Variants in NAALADL2 observed in about 807,000 individuals in gnomAD.
NAALADL2 encodes N-acetylated alpha-linked acidic dipeptidase like 2.
NAALADL2 carries 76 observed loss-of-function variants against 87.2 expected under a neutral mutation model. The ratio of observed to expected loss-of-function variants is 0.87; its 90% confidence interval spans 0.72 to 1.05. The LOEUF (loss-of-function observed/expected upper bound fraction) is 1.05. Ranked by LOEUF, NAALADL2 falls within the 50% of genes least tolerant of loss-of-function variation. NAALADL2 has a pLI of 0.00. For synonymous variants in NAALADL2, 354 were observed against 331.0 expected (o/e 1.07, Z -0.75); for missense variants, 1,089 against 945.8 (o/e 1.15, Z -1.99).
At chr3:175,230,538 A>G (rs1008097884) in intron 2 of NAALADL2, among the ~76,000 whole-genome samples, 2 of 152,034 alleles carry the variant, frequency 1.3e-5, no homozygotes, top group African/African-American at 4.8e-5. Flanking sequence ...GGTAATCATG[A>G]AGATGCAAAT....
chr3:174,586,249 G>A (rs905701150), intron 2 of NAALADL2, among the ~76,000 whole-genome samples: 10 of 152,248 alleles, frequency 6.6e-5, no homozygotes, highest in African/African-American at 2.2e-4. Flanking sequence ...GTATTCAGTT[G>A]TACAGGTTGT....
intron 9 of NAALADL2, among the ~76,000 whole-genome samples, chr3:175,481,335 C>G (rs1726426803): frequency 6.9e-6 from 1 of 143,904 alleles, no homozygotes; most frequent in Non-Finnish European, 1.5e-5. Flanking sequence ...AACAATGCCA[C>G]TGTGTGTGTG....
chr3:175,140,814 G>A (rs1316171256), intron 2 of NAALADL2, among the ~76,000 whole-genome samples: 2 of 152,226 alleles, frequency 1.3e-5, no homozygotes, highest in South Asian at 4.1e-4. Flanking sequence ...AGGAAACAGA[G>A]GGAAGATGTT....
intron 4 of NAALADL2, among the ~76,000 whole-genome samples, chr3:175,294,660 C>CA (rs538365995): frequency 1.0e-3 from 155 of 151,670 alleles, no homozygotes; most frequent in Middle Eastern, 3.4e-3. Context: ...TCTGTAGTTT[C>CA]AAAAAAAATA....
intron 2 of NAALADL2, among the ~76,000 whole-genome samples, chr3:175,210,398 A>G (rs967836991): frequency 2.0e-5 from 3 of 151,994 alleles, no homozygotes; most frequent in East Asian, 3.9e-4. Flanking sequence ...AGAAAAGCAC[A>G]TACACTTTGA....
At chr3:174,468,824 G>T (rs1399961985) in intron 1 of NAALADL2, among the ~76,000 whole-genome samples, 1 of 148,954 alleles carries the variant, frequency 6.7e-6, no homozygotes, top group Non-Finnish European at 1.5e-5. Flanking sequence ...GTGCAGTGGC[G>T]CGATCTAGGC....
chr3:174,643,127 A>G (rs1723421310), intron 2 of NAALADL2, among the ~76,000 whole-genome samples: 1 of 152,126 alleles, frequency 6.6e-6, no homozygotes, highest in African/African-American at 2.4e-5. Flanking sequence ...TGATGACACT[A>G]TTCACTTGTT....
At chr3:175,148,149 C>T (rs1160284529) in intron 2 of NAALADL2, among the ~76,000 whole-genome samples, 1 of 149,290 alleles carries the variant, frequency 6.7e-6, no homozygotes, top group Non-Finnish European at 1.5e-5. Context: ...GCCATTCTGA[C>T]TGGTATGAAA....
intron 1 of NAALADL2, among the ~76,000 whole-genome samples, chr3:174,441,498 C>G (rs760462193): frequency 3.0e-4 from 46 of 152,104 alleles, no homozygotes; most frequent in Non-Finnish European, 5.4e-4. Flanking sequence ...CGGGCCCGCG[C>G]GTTCGAAATG....
chr3:175,161,982 C>T (rs953554176), intron 2 of NAALADL2, among the ~76,000 whole-genome samples: 2 of 152,084 alleles, frequency 1.3e-5, no homozygotes, highest in Non-Finnish European at 2.9e-5. Flanking sequence ...GACTTTCTTT[C>T]GGAAACCTGT....
intron 2 of NAALADL2, among the ~76,000 whole-genome samples, chr3:175,146,526 GATGAA>G (rs1201229511): frequency 6.6e-6 from 1 of 152,090 alleles, no homozygotes; most frequent in Non-Finnish European, 1.5e-5. Context: ...ATAAATCAGA[GATGAA>G]ATGAAATTCA....
intron 3 of NAALADL2, among the ~76,000 whole-genome samples, chr3:174,787,488 A>G (rs1275208029): frequency 1.3e-5 from 2 of 148,488 alleles, no homozygotes; most frequent in East Asian, 3.9e-4. Flanking sequence ...GCCAGGAATA[A>G]GCCATGTTTT....
intron 5 of NAALADL2, among the ~76,000 whole-genome samples, chr3:175,373,314 G>C (rs1167123727): frequency 6.6e-6 from 1 of 152,124 alleles, no homozygotes; most frequent in Non-Finnish European, 1.5e-5. Flanking sequence ...TTCCTTTTCT[G>C]TCAATCCACT....
intron 3 of NAALADL2, among the ~76,000 whole-genome samples, chr3:174,801,340 A>G (rs1388535068): frequency 2.0e-5 from 3 of 152,132 alleles, no homozygotes; most frequent in Non-Finnish European, 4.4e-5. Flanking sequence ...GATAAAGAGG[A>G]GTTCCCCTGC....
intron 5 of NAALADL2, among the ~76,000 whole-genome samples, chr3:175,400,646 G>T (rs1178522741): frequency 4.6e-5 from 7 of 152,088 alleles, no homozygotes; most frequent in Admixed American, 1.3e-4. Context: ...ACAAACCTAG[G>T]ATATAAAGCT....
chr3:174,549,356 C>G (rs1438465113), intron 1 of NAALADL2, among the ~76,000 whole-genome samples: 2 of 152,160 alleles, frequency 1.3e-5, no homozygotes, highest in African/African-American at 4.8e-5. Flanking sequence ...GATAGTTTAG[C>G]AGGATGACCA....
chr3:175,798,620 T>G (rs1392118096), intron 13 of NAALADL2, among the ~76,000 whole-genome samples: 2 of 152,100 alleles, frequency 1.3e-5, no homozygotes, highest in Non-Finnish European at 2.9e-5. Flanking sequence ...TGCATTGGCC[T>G]TTAGGAAATG....
intron 1 of NAALADL2, among the ~76,000 whole-genome samples, chr3:174,953,297 T>TCCTCTCCCCCCC (rs1740651836): frequency 8.4e-5 from 5 of 59,318 alleles, no homozygotes; most frequent in African/African-American, 1.5e-4. Context: ...CTTTCTTGCC[T>TCCTCTCCCCCCC]CCCCTCCCCT....
At chr3:175,159,408 T>C (rs1048996934) in intron 2 of NAALADL2, among the ~76,000 whole-genome samples, 1 of 152,198 alleles carries the variant, frequency 6.6e-6, no homozygotes, top group Non-Finnish European at 1.5e-5. Flanking sequence ...ATTGAAACTT[T>C]ATTAGAATTG....
Sources: gnomAD v4.1 joint callset for allele counts (sites outside exome capture counted in the v4.1 genomes callset) on GRCh38, gnomAD v4.1.1 for gene constraint, MANE v1.5 for transcripts, NCBI Gene and HGNC (gene_info 2026-07-23, HGNC 2026-07-21) for gene names.